Variants in SPATS1 observed in about 807,000 individuals in gnomAD.
SPATS1 encodes spermatogenesis associated serine rich 1, also known as spermatogenesis-associated serine-rich protein 1.
Under a neutral mutation model 33.6 loss-of-function variants are expected in SPATS1, and 23 were observed. The ratio of observed to expected loss-of-function variants is 0.68; its 90% CI spans 0.49 to 0.97. SPATS1 has a LOEUF of 0.97. Among genes scored for constraint, SPATS1 ranks in the 50% least tolerant of loss-of-function variants. The probability of loss-of-function intolerance (pLI) is 0.00; values close to 1 mark genes in which losing one functional copy is unlikely to be tolerated. For synonymous variants in SPATS1, 131 were observed against 125.6 expected, an observed-to-expected ratio of 1.04 and a Z score of -0.29; for missense variants, 327 against 361.0, an observed-to-expected ratio of 0.91 and a Z score of 0.76.
Position 44,343,130 on chromosome 6 carries a change from G to C in SPATS1, c.35G>C (p.Arg12Pro). The C allele has an allele frequency of 6.2e-7, 1 of 1,614,114 alleles. No individual in the cohort carries two copies. The highest frequency in any genetic ancestry group is 8.5e-7 in the Non-Finnish European group (1 of 1,180,010). The change falls in exon 2 of 9, where the codon CGG becomes CCG. Residue 12 changes from arginine to proline, a missense_variant. Transcript: ENST00000674044. ...TCCATGCTCACTGGAAACAGTCCAC[G>C]GGGCTGCCGTCTCCCCTCCATCTCA... Reference protein sequence around the residue: ...SPSMLTGNSPRGCRLPSISST... With the variant: ...SPSMLTGNSPPGCRLPSISST...
chr6:44,368,933 G>A (rs149100550), intron 6 of SPATS1, among the ~76,000 whole-genome samples: 2,123 of 145,634 alleles, frequency 0.015, 51 homozygotes, highest in African/African-American at 0.049. Context: ...GTCTCGCTCC[G>A]TCGCCCTGGC....
Position 44,343,129 on chromosome 6 carries a change from C to CG in SPATS1, c.38dup (p.Cys14LeufsTer36), listed in dbSNP as rs1787664302. The CG allele has an allele frequency of 6.2e-7, 1 of 1,613,426 alleles. No homozygotes were observed. The highest frequency in any genetic ancestry group is 2.2e-5 in the East Asian group (1 of 44,814). ...ATCCATGCTCACTGGAAACAGTCCA[C>CG]GGGGCTGCCGTCTCCCCTCCATCTC... On this transcript the variant is annotated frameshift_variant, in exon 2 of 9. Coordinates refer to ENST00000674044, the MANE Select transcript of SPATS1 (RefSeq NM_001372081.1). LOFTEE classifies it high-confidence loss of function.
rs2153371508 is a variant in SPATS1, at chr6:44,379,803, A to G, written c.*2740A>G. On this transcript the variant is annotated 3_prime_UTR_variant, in exon 9 of 9. Coordinates refer to ENST00000674044, the MANE Select transcript of SPATS1 (RefSeq NM_001372081.1). Reference sequence around the variant, plus strand: ...CATGAGTAAAAAAAAAAAACACAAAAAAACAAAAAAACCCTACACAACTGT... The same window carrying G: ...CATGAGTAAAAAAAAAAAACACAAAGAAACAAAAAAACCCTACACAACTGT... Among the ~76,000 whole-genome samples the G allele has an allele frequency of 6.6e-6, 1 of 151,780 alleles. No homozygotes were observed. Among genetic ancestry groups the G allele is most frequent in the South Asian group, 2.1e-4 (1 of 4,818 alleles).
In SPATS1 at chr6:44,376,433, G is replaced by C; in HGVS notation, c.834G>C (p.Trp278Cys). The C allele has an allele frequency of 6.2e-7, 1 of 1,612,344 alleles. No homozygotes were observed. The highest frequency in any genetic ancestry group is 8.5e-7 in the Non-Finnish European group (1 of 1,179,432). Residue 278 changes from tryptophan (W) to cysteine (C), a missense_variant, in exon 8 of 9, where the codon TGG becomes TGC. By Grantham distance (215) the Trp-to-Cys change is radical. Coordinates refer to ENST00000674044, the MANE Select transcript of SPATS1 (RefSeq NM_001372081.1). ...AAGAGGTTGAGGAGCTTGACAACTG[G>C]CAGCCAGCAGTGCCCTTAATGCACA... ...EIQEVEELDN[W>C]QPAVPLMHML...
chr6:44,377,838 T>C lies in SPATS1; in HGVS notation c.*775T>C, dbSNP rs1451010595. Reference sequence around the variant, plus strand: ...GCACTAATCTCATTCATGAGGGCTCTGGTCTCATGACCTAATCGCCTCCCA... The same window carrying C: ...GCACTAATCTCATTCATGAGGGCTCCGGTCTCATGACCTAATCGCCTCCCA... On this transcript the variant is annotated 3_prime_UTR_variant, in exon 9 of 9. Coordinates refer to ENST00000674044, the MANE Select transcript of SPATS1 (RefSeq NM_001372081.1). 2.0e-5 allele frequency: 3 copies of C among 152,230 alleles called. No individual in the cohort carries two copies. Among genetic ancestry groups the C allele is most frequent in the African/African-American group, 7.2e-5 (3 of 41,414 alleles). The allele number at this position is 152,230 out of a possible 1,614,324, so 9.4% of individuals were successfully genotyped here. A position where few individuals can be genotyped will look rare whatever the true frequency, so the allele number is the denominator to read the frequency against.
At chr6:44,369,851 G>T (rs553074205) in intron 6 of SPATS1, among the ~76,000 whole-genome samples, 200 bp from the exon 7 acceptor site, 3 of 145,338 alleles carry the variant, frequency 2.1e-5, no homozygotes, top group African/African-American at 5.4e-5. Context: ...CAGCCTTGGG[G>T]ACAGAGTGAG....
At chr6:44,348,638 A>G (rs754818686) in intron 2 of SPATS1, among the ~76,000 whole-genome samples, 123 of 152,264 alleles carry the variant, frequency 8.1e-4, no homozygotes, top group Non-Finnish European at 1.3e-3. Context: ...TTGCTGTATG[A>G]GCACTGAAGC....
rs1790040542 is a variant in SPATS1, at chr6:44,377,854, T to C, written c.*791T>C. On this transcript the variant is annotated 3_prime_UTR_variant, in exon 9 of 9. Coordinates refer to ENST00000674044, the MANE Select transcript of SPATS1 (RefSeq NM_001372081.1). ...TGAGGGCTCTGGTCTCATGACCTAA[T>C]CGCCTCCCAATGGCCTTACCTCCTA... 6.6e-6 allele frequency: 1 copy of C among 152,188 alleles called. No individual in the cohort carries two copies. Among genetic ancestry groups the C allele is most frequent in the Non-Finnish European group, 1.5e-5 (1 of 68,070 alleles). 9.4% of individuals were successfully genotyped at this position (152,188 alleles called of 1,614,324 possible). A position where few individuals can be genotyped will look rare whatever the true frequency, so the allele number is the denominator to read the frequency against.
intron 3 of SPATS1, among the ~76,000 whole-genome samples, chr6:44,357,492 C>T (rs1217216892): frequency 2.0e-5 from 3 of 152,174 alleles, no homozygotes; most frequent in African/African-American, 7.2e-5. Flanking sequence ...AAGTGATTCC[C>T]CCTCCTCAGC....
At chr6:44,344,506 G>GT (rs1002922546) in intron 2 of SPATS1, among the ~76,000 whole-genome samples, 4 of 151,856 alleles carry the variant, frequency 2.6e-5, no homozygotes, top group Non-Finnish European at 2.9e-5. Context: ...AAAAACTTCT[G>GT]TCCTTGATCC....
chr6:44,348,958 C>T (rs1193811630), intron 2 of SPATS1, among the ~76,000 whole-genome samples: 1 of 152,170 alleles, frequency 6.6e-6, no homozygotes, highest in Non-Finnish European at 1.5e-5. Context: ...TGGTGAAACC[C>T]CGTCTCTACT....
chr6:44,343,045 C>G (rs768148865), intron 1 of SPATS1, 51 bp from the exon 2 acceptor site: 2 of 1,606,912 alleles, frequency 1.2e-6, no homozygotes, highest in African/African-American at 2.7e-5. Flanking sequence ...TTACGAGGGA[C>G]TTTCTTTGTC....
At position 44,363,521 on chromosome 6, in the gene SPATS1, C is replaced by A. The variant is rs144555475; in HGVS notation, c.574+1529C>A. Among the ~76,000 whole-genome samples the A allele has an allele frequency of 1.4e-4, 22 of 152,306 alleles. No individual in the cohort carries two copies. The South Asian group carries it at 4.3e-3, about 30-fold the overall frequency. On this transcript the variant is annotated intron_variant, in intron 5 of 8. Transcript: ENST00000674044. ...ATAATGACCTAAATCTCAATCTTGACTTATCACTGCCCTCCTGGCTCAAAA... is the reference window on the plus strand; with the variant it reads ...ATAATGACCTAAATCTCAATCTTGAATTATCACTGCCCTCCTGGCTCAAAA...
intron 7 of SPATS1, among the ~76,000 whole-genome samples, chr6:44,371,329 G>A (rs1453992384): frequency 6.6e-6 from 1 of 151,532 alleles, no homozygotes; most frequent in Non-Finnish European, 1.5e-5. Flanking sequence ...GAGAGAAGTC[G>A]ATCAGCATAT....
In SPATS1 at chr6:44,346,472, A is replaced by G. The variant is rs571919660; in HGVS notation, c.139+3238A>G. 3.9e-5 allele frequency among the ~76,000 whole-genome samples: 6 copies of G among 152,004 alleles called. No homozygotes were observed. In the East Asian group the frequency reaches 1.2e-3, roughly 29 times the overall value. ...ATGATCAGGGCTCACTGCAGACTCGACCTCTCCAGCTCAAGCAGTCCTCAT... is the reference window on the plus strand; with the variant it reads ...ATGATCAGGGCTCACTGCAGACTCGGCCTCTCCAGCTCAAGCAGTCCTCAT... On this transcript the variant is annotated intron_variant, in intron 2 of 8. Coordinates refer to ENST00000674044, the MANE Select transcript of SPATS1 (RefSeq NM_001372081.1).
At chr6:44,342,817 G>A in intron 1 of SPATS1, 49 bp downstream of exon 1, 20 of 913,916 alleles carry the variant, frequency 2.2e-5, no homozygotes, top group Non-Finnish European at 3.2e-5. Flanking sequence ...TGGGGAAGGG[G>A]GTGGGAAGAC....
In SPATS1 at chr6:44,379,599, C is replaced by CAAAAAAAAAAAA. The variant is rs55976441; in HGVS notation, c.*2553_*2564dup. Among the ~76,000 whole-genome samples, 15 of 54,740 alleles carry CAAAAAAAAAAAA rather than the reference C, an allele frequency of 2.7e-4. No individual in the cohort carries two copies. Among genetic ancestry groups the CAAAAAAAAAAAA allele is most frequent in the Non-Finnish European group, 3.7e-4 (12 of 32,094 alleles). The allele number at this position is 54,740 out of a possible 152,430, so 35.9% of individuals were successfully genotyped here. A position where few individuals can be genotyped will look rare whatever the true frequency, so the allele number is the denominator to read the frequency against. ...TGGGCAACAGAGTGAGACTCTGTCTCAAAAAAAAAAAAAAAAAAAAAAAAA... is the reference window on the plus strand; with the variant it reads ...TGGGCAACAGAGTGAGACTCTGTCTCAAAAAAAAAAAAAAAAAAAAAAAAAAAAAAAAAAAAA... On this transcript the variant is annotated 3_prime_UTR_variant, in exon 9 of 9. Coordinates refer to ENST00000674044, the MANE Select transcript of SPATS1 (RefSeq NM_001372081.1).
intron 3 of SPATS1, among the ~76,000 whole-genome samples, chr6:44,356,983 C>T (rs73439551): frequency 0.067 from 10,164 of 152,184 alleles, 1,001 homozygotes; most frequent in African/African-American, 0.21. Context: ...TTCTCAAAGC[C>T]CATTCCTTTC....
intron 7 of SPATS1, among the ~76,000 whole-genome samples, chr6:44,372,989 T>G (rs1316594276): frequency 6.6e-6 from 1 of 152,222 alleles, no homozygotes; most frequent in Non-Finnish European, 1.5e-5. Context: ...TAAAATGATT[T>G]TTAGCCCTTT....
Sources: allele counts gnomAD v4.1 joint callset (sites outside exome capture counted in the v4.1 genomes callset), GRCh38; gene constraint gnomAD v4.1.1; transcripts MANE v1.5; gene names NCBI Gene and HGNC (gene_info 2026-07-23, HGNC 2026-07-21).